LRRC37A2: variants seen among roughly 807,000 people sequenced by gnomAD.
The protein encoded by LRRC37A2 is leucine-rich repeat-containing protein 37A2.
Under a neutral mutation model 68.8 loss-of-function variants are expected in LRRC37A2, and 9 were observed. The ratio of observed to expected loss-of-function variants is 0.13; its 90% CI spans 0.08 to 0.23. The LOEUF (loss-of-function observed/expected upper bound fraction) is 0.23. LRRC37A2 is among the 10% of genes least tolerant of loss of function. LRRC37A2 has a pLI of 1.00. For synonymous variants in LRRC37A2, 63 were observed against 367.6 expected, an observed-to-expected ratio of 0.17 and a Z score of 9.48; for missense variants, 168 against 950.4, an observed-to-expected ratio of 0.18 and a Z score of 10.82.
At chr17:46,844,675 A>G in the LRRC37A2 span, among the ~76,000 whole-genome samples, 86 of 152,338 alleles carry the variant, frequency 5.6e-4, 3 homozygotes, top group East Asian at 0.017. Context: ...GAACTTACTC[A>G]GATGAAAACA....
At chr17:46,842,034 G>A in the LRRC37A2 span, among the ~76,000 whole-genome samples, 1 of 152,178 alleles carries the variant, frequency 6.6e-6, no homozygotes, top group African/African-American at 2.4e-5. Context: ...CCTCGGCGGG[G>A]CCTGGGCTGG....
the LRRC37A2 span, among the ~76,000 whole-genome samples, chr17:46,802,747 G>A: frequency 2.6e-5 from 4 of 152,242 alleles, no homozygotes; most frequent in East Asian, 1.9e-4. Context: ...AGCGGAACAC[G>A]TGGAGGTTCC....
the LRRC37A2 span, among the ~76,000 whole-genome samples, chr17:46,833,936 C>T: frequency 6.6e-6 from 1 of 152,142 alleles, no homozygotes; most frequent in South Asian, 2.1e-4. Flanking sequence ...TGGCTCATAC[C>T]TGTAATCCCA....
At chr17:46,847,656 T>G in the LRRC37A2 span, among the ~76,000 whole-genome samples, 8 of 152,170 alleles carry the variant, frequency 5.3e-5, no homozygotes, top group Non-Finnish European at 1.2e-4. Flanking sequence ...CAGGTCAGCA[T>G]GGGCACCTTC....
At chr17:46,830,282 C>T in the LRRC37A2 span, among the ~76,000 whole-genome samples, 1 of 152,140 alleles carries the variant, frequency 6.6e-6, no homozygotes, top group Admixed American at 6.5e-5. Flanking sequence ...GATGAGGTCT[C>T]GCTCTGTCGC....
chr17:46,786,941 C>CTTT, the LRRC37A2 span, among the ~76,000 whole-genome samples: 1,951 of 142,656 alleles, frequency 0.014, 37 homozygotes, highest in Middle Eastern at 0.044. Context: ...TTTCTTTTTT[C>CTTT]TTTTTTTTTT....
At chr17:46,583,251 A>AC in the LRRC37A2 span, among the ~76,000 whole-genome samples, 1 of 71,562 alleles carries the variant, frequency 1.4e-5, no homozygotes, top group Non-Finnish European at 3.8e-5. Context: ...GGTGTGAGTC[A>AC]CCGCGCCCGG....
the LRRC37A2 span, chr17:46,978,490 C>T: frequency 4.7e-6 from 4 of 848,430 alleles, no homozygotes; most frequent in Non-Finnish European, 6.9e-6. Flanking sequence ...CCTTCCCGCG[C>T]CCCCGCCGAC....
the LRRC37A2 span, among the ~76,000 whole-genome samples, chr17:46,821,596 C>T: frequency 6.6e-6 from 1 of 152,224 alleles, no homozygotes. Flanking sequence ...GCCGGTGGAC[C>T]AGGAGGCCAT....
chr17:46,879,516 TA>T, the LRRC37A2 span, among the ~76,000 whole-genome samples: 1 of 152,270 alleles, frequency 6.6e-6, no homozygotes, highest in Non-Finnish European at 1.5e-5. Flanking sequence ...AGCACTTTGC[TA>T]TTTAGAAACA....
chr17:46,949,603 C>CG, the LRRC37A2 span, among the ~76,000 whole-genome samples: 1 of 152,158 alleles, frequency 6.6e-6, no homozygotes, highest in East Asian at 1.9e-4. Flanking sequence ...ATGATGCTCA[C>CG]GTCTAGCTGG....
the LRRC37A2 span, among the ~76,000 whole-genome samples, chr17:46,779,103 A>ACACACACACACACCCCCCCC: frequency 7.5e-6 from 1 of 133,590 alleles, no homozygotes; most frequent in Admixed American, 7.8e-5. Flanking sequence ...ACACACACAC[A>ACACACACACACACCCCCCCC]CCCCAGCCCA....
the LRRC37A2 span, among the ~76,000 whole-genome samples, chr17:46,753,263 G>A: frequency 6.6e-6 from 1 of 152,238 alleles, no homozygotes; most frequent in African/African-American, 2.4e-5. Flanking sequence ...GTGAGCGGCA[G>A]AGGTGAAGTT....
At chr17:46,978,640 G>A in the LRRC37A2 span, 1 of 1,588,508 alleles carries the variant, frequency 6.3e-7, no homozygotes, top group Non-Finnish European at 8.6e-7. Flanking sequence ...GGACCCAGAT[G>A]GCGCTCAGTA....
the LRRC37A2 span, chr17:46,768,633 G>C: frequency 6.2e-7 from 1 of 1,614,140 alleles, no homozygotes; most frequent in Non-Finnish European, 8.5e-7. This position sits in a 1 kb window ranked among gnomAD's most constrained non-coding sequence, Gnocchi z 5.0. Context: ...CCAGCCTCGG[G>C]ACTCACGGTG....
chr17:46,773,189 G>A, the LRRC37A2 span, among the ~76,000 whole-genome samples: 1 of 152,092 alleles, frequency 6.6e-6, no homozygotes, highest in African/African-American at 2.4e-5. Flanking sequence ...GGCATATCCA[G>A]CTGACAGGGC....
At chr17:46,998,099 T>C in the LRRC37A2 span, among the ~76,000 whole-genome samples, 1 of 152,208 alleles carries the variant, frequency 6.6e-6, no homozygotes, top group East Asian at 1.9e-4. Context: ...TTAATCAAAA[T>C]GTTAGAAAAT....
the LRRC37A2 span, among the ~76,000 whole-genome samples, chr17:46,994,949 T>C: frequency 2.6e-5 from 4 of 152,060 alleles, no homozygotes; most frequent in African/African-American, 7.2e-5. Flanking sequence ...TGGTGAAACC[T>C]CGTCTCTACT....
At chr17:46,952,728 G>T in the LRRC37A2 span, 1 of 152,188 alleles carries the variant, frequency 6.6e-6, no homozygotes, top group African/African-American at 2.4e-5. Context: ...GAGAGACAGA[G>T]AAAGAGATGG....
Sources: allele counts gnomAD v4.1 joint callset (sites outside exome capture counted in the v4.1 genomes callset), GRCh38; gene constraint gnomAD v4.1.1; non-coding constraint Gnocchi (gnomAD v3.1); transcripts MANE v1.5; gene names NCBI Gene and HGNC (gene_info 2026-07-23, HGNC 2026-07-21).